The following KIRREL1 variants were observed in gnomAD, a reference collection of about 807,000 sequenced individuals.
KIRREL1 encodes kin of IRRE-like protein 1.
Under a neutral mutation model 83.3 loss-of-function variants are expected in KIRREL1, and 25 were observed. That is an observed-to-expected ratio of 0.30 (90% CI 0.22 to 0.42). The LOEUF (loss-of-function observed/expected upper bound fraction) is 0.42. Among genes scored for constraint, KIRREL1 ranks in the 10% least tolerant of loss-of-function variants. The pLI, the probability that KIRREL1 is intolerant of heterozygous loss-of-function variation, is 1.00. For missense variants in KIRREL1, 812 were observed against 1,032.3 expected (o/e 0.79, Z 2.92); for synonymous variants, 388 against 410.4 (o/e 0.95, Z 0.66).
intron 1 of KIRREL1, among the ~76,000 whole-genome samples, chr1:158,024,049 GTGATTCTCT>G (rs1368536007): frequency 2.0e-5 from 3 of 152,068 alleles, no homozygotes; most frequent in Non-Finnish European, 4.4e-5. Context: ...CCGGGTTCAA[GTGATTCTCT>G]TGCCTTAGCC....
At chr1:158,008,513 G>A (rs1353649410) in intron 1 of KIRREL1, among the ~76,000 whole-genome samples, 2 of 152,166 alleles carry the variant, frequency 1.3e-5, no homozygotes, top group African/African-American at 4.8e-5. Flanking sequence ...GTGCTGGGAA[G>A]TCGAGAATCG....
At position 158,055,750 on chromosome 1, in the gene KIRREL1, C is replaced by A. The variant is rs186569941; in HGVS notation, c.53-20363C>A. 6.6e-4 allele frequency among the ~76,000 whole-genome samples: 101 copies of A among 152,334 alleles called. 1 individual carries two copies. Among genetic ancestry groups the A allele is most frequent in the Middle Eastern group, 6.8e-3 (2 of 294 alleles). Reference sequence around the variant, plus strand: ...GGCTTAGAAAAGAATCAAACCTACCCACCTTGATATCTATGCACCCTGTAG... The same window carrying A: ...GGCTTAGAAAAGAATCAAACCTACCAACCTTGATATCTATGCACCCTGTAG... On this transcript the variant is annotated intron_variant, in intron 1 of 14. Coordinates refer to ENST00000359209, the MANE Select transcript of KIRREL1 (RefSeq NM_018240.7).
intron 1 of KIRREL1, among the ~76,000 whole-genome samples, chr1:158,075,272 G>T (rs2101623529): frequency 6.6e-6 from 1 of 152,344 alleles, no homozygotes; most frequent in Non-Finnish European, 1.5e-5. Flanking sequence ...CTAATCAAAT[G>T]CTCCCGGCCG....
chr1:158,007,583 G>A (rs923517254), intron 1 of KIRREL1, among the ~76,000 whole-genome samples: 1 of 152,142 alleles, frequency 6.6e-6, no homozygotes, highest in Non-Finnish European at 1.5e-5. Flanking sequence ...GGAGAGGACT[G>A]GGGTGGAATG....
At position 158,017,834 on chromosome 1, in the gene KIRREL1, T is replaced by A. The variant is rs576353838; in HGVS notation, c.52+24106T>A. Among the ~76,000 whole-genome samples, 531 of 151,856 alleles carry A rather than the reference T, an allele frequency of 3.5e-3. 3 individuals carry two copies. Among genetic ancestry groups the A allele is most frequent in the African/African-American group, 0.012 (499 of 41,440 alleles). On this transcript the variant is annotated intron_variant, in intron 1 of 14. Coordinates refer to ENST00000359209, the MANE Select transcript of KIRREL1 (RefSeq NM_018240.7). ...GCAGCCCTCCCTCTCAATCTCTCAG[T>A]TCTTTTGCTTAGAAGACAAAAGATC...
At chr1:158,077,420 G>C (rs1020509854) in intron 2 of KIRREL1, among the ~76,000 whole-genome samples, 2 of 152,184 alleles carry the variant, frequency 1.3e-5, no homozygotes, top group Non-Finnish European at 2.9e-5. Flanking sequence ...AGAAGCGGGT[G>C]GGGGAGCCTG....
rs538710206 is a variant in KIRREL1, at chr1:158,086,616, G to A, written c.531G>A (p.Lys177=). 10 of 1,551,966 alleles carry A rather than the reference G, an allele frequency of 6.4e-6. No individual in the cohort carries two copies. The Admixed American group carries it at 1.6e-4, about 24-fold the overall frequency. The change falls in exon 5 of 15, where the codon AAG becomes AAA. Residue 177 remains lysine (K), a synonymous_variant. Coordinates refer to ENST00000359209, the MANE Select transcript of KIRREL1 (RefSeq NM_018240.7). ...VASTELLKDG[K]RETTVSQLLI... is the part of the protein sequence containing the mutation. Reference sequence around the variant, plus strand: ...TCCAGGAATTGCTGAAGGATGGGAAGAGGGAGACCACCGTGAGCCAACTGC... The same window carrying A: ...TCCAGGAATTGCTGAAGGATGGGAAAAGGGAGACCACCGTGAGCCAACTGC...
At chr1:158,079,281 G>T (rs1342073094) in intron 3 of KIRREL1, among the ~76,000 whole-genome samples, 1 of 152,170 alleles carries the variant, frequency 6.6e-6, no homozygotes, top group East Asian at 1.9e-4. Flanking sequence ...GAGGGAGTTT[G>T]GGTACAAGGA....
chr1:158,095,172 C>G lies in KIRREL1; in HGVS notation c.*52C>G. The stretch of plus-strand genomic sequence containing the variant: ...TGCGGGGCAGAGGAGAAGGCTTTCA[C>G]AGCTGTTCCCTGATATTCAGGGGCA... On this transcript the variant is annotated 3_prime_UTR_variant, in exon 15 of 15. Transcript: ENST00000359209. 7.8e-7 allele frequency: 1 copy of G among 1,279,792 alleles called. No homozygotes were observed. The highest frequency in any genetic ancestry group is 1.4e-5 in the South Asian group (1 of 70,176). The allele number at this position is 1,279,792 out of a possible 1,614,324, so 79.3% of individuals were successfully genotyped here. A position where few individuals can be genotyped will look rare whatever the true frequency, so the allele number is the denominator to read the frequency against.
At chr1:158,064,933 C>CTTTTTTT (rs869035914) in intron 1 of KIRREL1, among the ~76,000 whole-genome samples, 3 of 82,732 alleles carry the variant, frequency 3.6e-5, no homozygotes, top group Admixed American at 1.4e-4. Context: ...ACCTGCTGGT[C>CTTTTTTT]TTTTTTTTTT....
chr1:158,051,139 G>A (rs537570141), intron 1 of KIRREL1, among the ~76,000 whole-genome samples: 27 of 152,310 alleles, frequency 1.8e-4, no homozygotes, highest in Admixed American at 5.2e-4. Flanking sequence ...GTGGTGCATG[G>A]AGGCCGAGAA....
At chr1:158,035,258 G>C (rs377170782) in intron 1 of KIRREL1, among the ~76,000 whole-genome samples, 76 of 152,272 alleles carry the variant, frequency 5.0e-4, no homozygotes, top group African/African-American at 1.8e-3. Flanking sequence ...GCCCCCTTGG[G>C]ACTAGGGCCC....
intron 1 of KIRREL1, among the ~76,000 whole-genome samples, chr1:158,029,337 C>CTGTGTGTGTGTCTGTGTGTG (rs1660254293): frequency 1.4e-5 from 1 of 69,262 alleles, no homozygotes; most frequent in Non-Finnish European, 3.4e-5. Context: ...TAACAAAAAC[C>CTGTGTGTGTGTCTGTGTGTG]TGTGTGTGTG....
chr1:158,081,241 C>G lies in KIRREL1; in HGVS notation c.352+3101C>G, dbSNP rs541253689. On this transcript the variant is annotated intron_variant, in intron 3 of 14. Transcript: ENST00000359209. ...TCTGCCCTCTAACTCACTCTCCTGT[C>G]TCTGAGCACATTTGTTTATCCTCTT... 1.2e-4 allele frequency among the ~76,000 whole-genome samples: 12 copies of G among 97,734 alleles called. 2 individuals carry two copies. The highest frequency in any genetic ancestry group is 3.5e-4 in the African/African-American group (10 of 28,964). 64.1% of individuals were successfully genotyped at this position (97,734 alleles called of 152,430 possible).
rs575847264 is a variant in KIRREL1, at chr1:158,096,695, AG to A, written c.*1576del. The A allele has an allele frequency of 4.4e-4, 199 of 456,686 alleles. No individual in the cohort carries two copies. Among genetic ancestry groups the A allele is most frequent in the African/African-American group, 2.2e-3 (110 of 50,166 alleles). The allele number at this position is 456,686 out of a possible 1,614,324, so 28.3% of individuals were successfully genotyped here. On this transcript the variant is annotated 3_prime_UTR_variant, in exon 15 of 15. Coordinates refer to ENST00000359209, the MANE Select transcript of KIRREL1 (RefSeq NM_018240.7). ...CACACCTTCCATGTGACTGCTTCTC[AG>A]CCACCACTTTCTGACCAAAGAGAAC...
chr1:158,053,809 C>T (rs1356011164), intron 1 of KIRREL1, among the ~76,000 whole-genome samples: 4 of 152,118 alleles, frequency 2.6e-5, no homozygotes, highest in Non-Finnish European at 5.9e-5. Context: ...AGTAGGTCCC[C>T]AATGCTTGTT....
intron 1 of KIRREL1, among the ~76,000 whole-genome samples, chr1:158,017,744 T>G (rs532726339): frequency 3.7e-3 from 287 of 77,124 alleles, no homozygotes; most frequent in Middle Eastern, 0.012. Flanking sequence ...ATAGTTTCTT[T>G]TTTTTTCTAT....
intron 1 of KIRREL1, among the ~76,000 whole-genome samples, chr1:158,070,606 A>G (rs1661484005): frequency 1.3e-5 from 2 of 152,196 alleles, no homozygotes; most frequent in African/African-American, 4.8e-5. Flanking sequence ...AGGCTGTGAT[A>G]AAGTGTTATA....
chr1:158,042,164 A>G (rs1235846274), intron 1 of KIRREL1, among the ~76,000 whole-genome samples: 4 of 150,794 alleles, frequency 2.7e-5, no homozygotes, highest in African/African-American at 4.9e-5. Context: ...ACCAGAATGG[A>G]GGTGGGCCCA....
Sources: gnomAD v4.1 joint callset for allele counts (sites outside exome capture counted in the v4.1 genomes callset) on GRCh38, gnomAD v4.1.1 for gene constraint, MANE v1.5 for transcripts, NCBI Gene and HGNC (gene_info 2026-07-23, HGNC 2026-07-21) for gene names.